SYK: variants seen among roughly 807,000 people sequenced by gnomAD.
The protein encoded by SYK is tyrosine-protein kinase SYK.
Under a neutral mutation model 77.8 loss-of-function variants are expected in SYK, and 16 were observed. The observed-to-expected ratio is 0.21, with a 90% CI of 0.14 to 0.31. SYK has a LOEUF of 0.31. Ranked by LOEUF, SYK falls within the 10% of genes least tolerant of loss-of-function variation. The pLI is 1.00. For synonymous variants in SYK, 312 were observed against 308.7 expected, an observed-to-expected ratio of 1.01 and a Z score of -0.11; for missense variants, 529 against 814.4, an observed-to-expected ratio of 0.65 and a Z score of 4.26.
At chr9:90,875,664 T>C (rs889904661) in intron 9 of SYK, among the ~76,000 whole-genome samples, 2 of 152,238 alleles carry the variant, frequency 1.3e-5, no homozygotes, top group Non-Finnish European at 2.9e-5. Context: ...ATATGATTAG[T>C]ATAATTATTT....
At chr9:90,857,341 G>C (rs1827076834) in intron 3 of SYK, among the ~76,000 whole-genome samples, 1 of 152,260 alleles carries the variant, frequency 6.6e-6, no homozygotes, top group Non-Finnish European at 1.5e-5. Context: ...ACTTCAAAGA[G>C]AGTTGTGGGC....
chr9:90,847,747 C>T (rs73506005), intron 3 of SYK, among the ~76,000 whole-genome samples: 18,420 of 152,274 alleles, frequency 0.12, 1,633 homozygotes, highest in Admixed American at 0.22. Context: ...AGGCTCTGCT[C>T]CTCTGGGTCT....
chr9:90,848,407 C>T (rs192133617), intron 3 of SYK, among the ~76,000 whole-genome samples: 23 of 152,330 alleles, frequency 1.5e-4, no homozygotes, highest in African/African-American at 3.6e-4. Flanking sequence ...GTCAGGCCAA[C>T]GTTGCAGGAA....
chr9:90,845,568 A>G lies in SYK; in HGVS notation c.552A>G (p.Ile184Met), dbSNP rs1826558692. 6.2e-7 allele frequency: 1 copy of G among 1,614,074 alleles called. No homozygotes were observed. Among genetic ancestry groups the G allele is most frequent in the African/African-American group, 1.3e-5 (1 of 74,944 alleles). The change falls in exon 3 of 14, where the codon ATA (isoleucine) becomes ATG (methionine). Residue 184 changes from isoleucine to methionine, a missense_variant. By Grantham distance (10) the Ile-to-Met change is conservative (BLOSUM62 1). Coordinates refer to ENST00000375754, the MANE Select transcript of SYK (RefSeq NM_003177.7). ...SREESEQIVL[I>M]GSKTNGKFLI... is the part of the protein sequence containing the mutation. ...AAGAATCTGAGCAAATTGTCCTGATAGGATCAAAGACAAATGGAAAGTTCC... is the reference window on the plus strand; with the variant it reads ...AAGAATCTGAGCAAATTGTCCTGATGGGATCAAAGACAAATGGAAAGTTCC...
chr9:90,854,091 C>A (rs1216076413), intron 3 of SYK, among the ~76,000 whole-genome samples: 1 of 152,028 alleles, frequency 6.6e-6, no homozygotes, highest in Non-Finnish European at 1.5e-5. Flanking sequence ...TCACGTGGTG[C>A]CCTGAGACCA....
intron 1 of SYK, among the ~76,000 whole-genome samples, chr9:90,843,443 G>A (rs796993926): frequency 6.6e-6 from 1 of 152,184 alleles, no homozygotes; most frequent in Non-Finnish European, 1.5e-5. Context: ...ACATTGTCTG[G>A]ACTCAGGAGG....
At chr9:90,861,398 CCT>C (rs1188093098) in intron 3 of SYK, among the ~76,000 whole-genome samples, 2 of 152,226 alleles carry the variant, frequency 1.3e-5, no homozygotes, top group Non-Finnish European at 2.9e-5. Flanking sequence ...TCTGGTTTCA[CCT>C]CTGTCTCTTC....
At chr9:90,866,610 G>T (rs1003596444) in intron 6 of SYK, among the ~76,000 whole-genome samples, 7 of 152,144 alleles carry the variant, frequency 4.6e-5, no homozygotes, top group Non-Finnish European at 7.3e-5. Flanking sequence ...CAAGCCCTGT[G>T]CTTAGCCATC....
intron 1 of SYK, among the ~76,000 whole-genome samples, chr9:90,835,970 C>T (rs1028365722): frequency 1.3e-5 from 2 of 152,150 alleles, no homozygotes; most frequent in African/African-American, 4.8e-5. Flanking sequence ...TAAAAACTTG[C>T]AGATGAACTC....
At chr9:90,832,147 C>T (rs1194217244) in intron 1 of SYK, among the ~76,000 whole-genome samples, 2 of 152,156 alleles carry the variant, frequency 1.3e-5, no homozygotes, top group African/African-American at 4.8e-5. Flanking sequence ...CATATTTCCC[C>T]AGGAGCAACT....
chr9:90,894,178 T>C (rs1397034452), intron 13 of SYK, among the ~76,000 whole-genome samples: 1 of 152,204 alleles, frequency 6.6e-6, no homozygotes, highest in African/African-American at 2.4e-5. Flanking sequence ...GCCCCCTGTT[T>C]TGCAAAGATG....
intron 11 of SYK, among the ~76,000 whole-genome samples, chr9:90,883,678 T>A (rs1228327071): frequency 6.6e-6 from 1 of 152,028 alleles, no homozygotes; most frequent in Non-Finnish European, 1.5e-5. Flanking sequence ...CATGCCCCAA[T>A]ACTTGAGCAT....
intron 1 of SYK, among the ~76,000 whole-genome samples, chr9:90,820,720 C>G (rs1202810936): frequency 6.6e-6 from 1 of 152,176 alleles, no homozygotes; most frequent in Non-Finnish European, 1.5e-5. Context: ...CTGGAGACAT[C>G]TTCCCCATGG....
At chr9:90,828,999 C>T (rs1036930036) in intron 1 of SYK, among the ~76,000 whole-genome samples, 2 of 152,070 alleles carry the variant, frequency 1.3e-5, no homozygotes, top group African/African-American at 4.8e-5. Context: ...TAAAAATCAC[C>T]TGGGAAGCAG....
At chr9:90,867,097 A>G (rs764048828) in intron 6 of SYK, 34 bp from the exon 7 acceptor site, 6 of 1,612,644 alleles carry the variant, frequency 3.7e-6, no homozygotes, top group East Asian at 2.2e-5. Flanking sequence ...TTTCTGAAAC[A>G]TTTACTGTTC....
intron 11 of SYK, among the ~76,000 whole-genome samples, chr9:90,885,948 A>G (rs1229871820): frequency 6.6e-6 from 1 of 152,228 alleles, no homozygotes; most frequent in Non-Finnish European, 1.5e-5. Flanking sequence ...TTCTTCATAA[A>G]TAAAAGAAAA....
chr9:90,851,828 G>A (rs1826835247), intron 3 of SYK, among the ~76,000 whole-genome samples: 1 of 152,016 alleles, frequency 6.6e-6, no homozygotes, highest in Admixed American at 6.6e-5. Flanking sequence ...GGATTGAGGG[G>A]TCCGAAGCAT....
In SYK at chr9:90,884,599, A is replaced by ACATACATACACATACACATATGTGTACG. The variant is rs1564121567; in HGVS notation, c.1582-3150_1582-3149insCATACATACACATACACATATGTGTACG. 3.6e-4 allele frequency among the ~76,000 whole-genome samples: 21 copies of ACATACATACACATACACATATGTGTACG among 58,226 alleles called. 8 individuals carry two copies. Among genetic ancestry groups the ACATACATACACATACACATATGTGTACG allele is most frequent in the African/African-American group, 1.7e-3 (19 of 11,268 alleles). 38.2% of individuals were successfully genotyped at this position (58,226 alleles called of 152,430 possible). ...TACATACACATACACATATGTGTAC[A>ACATACATACACATACACATATGTGTACG]TGTACATATATACACATATACACAT... On this transcript the variant is annotated intron_variant, in intron 11 of 13. Transcript: ENST00000375754.
chr9:90,852,142 T>C (rs978106418), intron 3 of SYK, among the ~76,000 whole-genome samples: 2 of 152,234 alleles, frequency 1.3e-5, no homozygotes, highest in Non-Finnish European at 2.9e-5. Flanking sequence ...CATTCCTTCC[T>C]CTAGGTTCAC....
Sources: gnomAD v4.1 joint callset for allele counts (sites outside exome capture counted in the v4.1 genomes callset) on GRCh38, gnomAD v4.1.1 for gene constraint, MANE v1.5 for transcripts, NCBI Gene and HGNC (gene_info 2026-07-23, HGNC 2026-07-21) for gene names.